Variants in LRBA observed in about 807,000 individuals in gnomAD.
LRBA encodes the protein LPS responsive beige-like anchor protein.
In LRBA, 176 loss-of-function variants were observed where a neutral mutation model predicts 330.0. That is an observed-to-expected ratio of 0.53 (90% confidence interval 0.47 to 0.60). The LOEUF (loss-of-function observed/expected upper bound fraction) is 0.60, where lower values mean the gene tolerates loss of function less well. LRBA is among the 20% of genes least tolerant of loss of function. LRBA has a pLI of 0.00. For missense variants in LRBA, 3,259 were observed against 3,444.8 expected (o/e 0.95, Z 1.35); for synonymous variants, 1,230 against 1,193.0 (o/e 1.03, Z -0.64).
chr4:150,285,955 G>T lies in LRBA; in HGVS notation c.8097C>A (p.Gly2699=). 2 of 1,589,366 alleles carry T rather than the reference G, an allele frequency of 1.3e-6. No homozygotes were observed. Among genetic ancestry groups the T allele is most frequent in the East Asian group, 2.3e-5 (1 of 43,352 alleles). The change falls in exon 54 of 57, where the codon GGC becomes GGA. Residue 2699 remains glycine (G), a synonymous_variant. Transcript: ENST00000651943. ...VTCAAVCAEL[G]LVLSGSQEGP... ...TACCTTGTGAACCACTCAACACCAG[G>T]CCTAGCTCCGCACACACCGCAGCAC...
At chr4:150,914,858 T>C (rs1732414633) in intron 8 of LRBA, among the ~76,000 whole-genome samples, 1 of 152,156 alleles carries the variant, frequency 6.6e-6, no homozygotes, top group South Asian at 2.1e-4. Context: ...CTAATAGATT[T>C]ATGGATATTA....
intron 40 of LRBA, among the ~76,000 whole-genome samples, chr4:150,498,636 G>A (rs6846082): frequency 0.46 from 69,568 of 151,768 alleles, 16,210 homozygotes; most frequent in Non-Finnish European, 0.51. Context: ...TTGTAGAGAA[G>A]GAACAAAATG....
intron 40 of LRBA, among the ~76,000 whole-genome samples, chr4:150,569,409 C>A (rs1225872571): frequency 6.6e-6 from 1 of 152,074 alleles, no homozygotes; most frequent in Non-Finnish European, 1.5e-5. Context: ...TTTACATTGT[C>A]CAAACAAAAG....
chr4:150,329,466 T>C (rs1312556587), intron 48 of LRBA, among the ~76,000 whole-genome samples: 2 of 152,222 alleles, frequency 1.3e-5, no homozygotes, highest in East Asian at 1.9e-4. Context: ...GTGGCTTCAA[T>C]GGCTTAATGC....
chr4:150,283,619 G>A (rs1747819553), intron 54 of LRBA, among the ~76,000 whole-genome samples: 2 of 152,134 alleles, frequency 1.3e-5, no homozygotes, highest in African/African-American at 4.8e-5. Context: ...TGACCACTCA[G>A]GTAGTTGATA....
At chr4:150,537,156 G>A (rs555697651) in intron 40 of LRBA, among the ~76,000 whole-genome samples, 16 of 152,260 alleles carry the variant, frequency 1.1e-4, no homozygotes, top group Admixed American at 3.9e-4. Context: ...GAACAGAATA[G>A]ACAATTCAGA....
chr4:150,424,601 C>T (rs2151970798), intron 46 of LRBA, among the ~76,000 whole-genome samples: 1 of 152,070 alleles, frequency 6.6e-6, no homozygotes, highest in South Asian at 2.1e-4. Context: ...CATCCCATAG[C>T]AGGGAGCACG....
At chr4:150,369,694 A>G (rs1215694185) in intron 47 of LRBA, among the ~76,000 whole-genome samples, 1 of 152,008 alleles carries the variant, frequency 6.6e-6, no homozygotes, top group Admixed American at 6.5e-5. Flanking sequence ...GATTTTGCTA[A>G]GTATTGTACG....
At chr4:150,527,406 G>A (rs914631038) in intron 40 of LRBA, among the ~76,000 whole-genome samples, 1 of 152,154 alleles carries the variant, frequency 6.6e-6, no homozygotes, top group Non-Finnish European at 1.5e-5. Context: ...CAAACTTGAG[G>A]GCAGACTAAA....
intron 40 of LRBA, chr4:150,579,342 C>A (rs1234460375): frequency 2.2e-6 from 1 of 446,894 alleles, no homozygotes; most frequent in African/African-American, 2.2e-5. Context: ...GCTCTTAGAG[C>A]AGAGGCAGCC....
Position 150,431,522 on chromosome 4 carries a change from A to C in LRBA, c.7041+4067T>G, listed in dbSNP as rs1293620286. ...CAACACAGATGTGCCATGTAAATAG[A>C]GACATGTTGAGTATAAAATACCACT... On this transcript the variant is annotated intron_variant, in intron 46 of 56. Transcript: ENST00000651943. 2.6e-5 allele frequency among the ~76,000 whole-genome samples: 4 copies of C among 152,232 alleles called. No individual in the cohort carries two copies. In the East Asian group the frequency reaches 7.7e-4, roughly 29 times the overall value.
intron 17 of LRBA, among the ~76,000 whole-genome samples, chr4:150,875,293 T>C (rs771826975): frequency 2.0e-5 from 3 of 152,026 alleles, no homozygotes; most frequent in African/African-American, 4.8e-5. Flanking sequence ...TCACAGCCAG[T>C]AGATCTCCAG....
intron 52 of LRBA, among the ~76,000 whole-genome samples, chr4:150,307,931 A>G (rs1489478682): frequency 6.6e-6 from 1 of 152,212 alleles, no homozygotes; most frequent in Admixed American, 6.5e-5. Flanking sequence ...AAACCATGTC[A>G]TCAATTCCAT....
At chr4:150,787,443 T>C (rs1263629872) in intron 34 of LRBA, among the ~76,000 whole-genome samples, 2 of 152,230 alleles carry the variant, frequency 1.3e-5, no homozygotes, top group Non-Finnish European at 2.9e-5. Context: ...ACAAAGGATA[T>C]GATACGTTTA....
chr4:150,874,451 G>A (rs1753781718), intron 17 of LRBA, among the ~76,000 whole-genome samples: 1 of 152,196 alleles, frequency 6.6e-6, no homozygotes, highest in African/African-American at 2.4e-5. Flanking sequence ...TCCCTGCTTT[G>A]GAGCCAGAAT....
chr4:150,879,881 A>G (rs1238177668), intron 17 of LRBA, among the ~76,000 whole-genome samples: 1 of 152,202 alleles, frequency 6.6e-6, no homozygotes, highest in South Asian at 2.1e-4. Context: ...TCACAGAACT[A>G]GAAAAAAACT....
At chr4:150,573,978 A>C (rs1014224958) in intron 40 of LRBA, among the ~76,000 whole-genome samples, 2 of 152,128 alleles carry the variant, frequency 1.3e-5, no homozygotes, top group African/African-American at 4.8e-5. Flanking sequence ...TTAATTGTGA[A>C]TGGGAACTTA....
chr4:150,572,629 A>T (rs1426923916), intron 40 of LRBA, among the ~76,000 whole-genome samples: 1 of 152,144 alleles, frequency 6.6e-6, no homozygotes, highest in Non-Finnish European at 1.5e-5. Flanking sequence ...CAATATAATT[A>T]CTGACTCCAT....
In LRBA at chr4:150,265,751, A is replaced by G. The variant is rs1413666580; in HGVS notation, c.8530T>C (p.Trp2844Arg). 1 of 1,613,678 alleles carries G rather than the reference A, an allele frequency of 6.2e-7. No homozygotes were observed. Among genetic ancestry groups the G allele is most frequent in the South Asian group, 1.1e-5 (1 of 91,070 alleles). The change falls in exon 57 of 57, where the codon TGG (tryptophan) becomes CGG (arginine). Residue 2844 changes from tryptophan to arginine, a missense_variant. Physicochemically the swap from Trp to Arg is moderately radical, Grantham distance 101. Coordinates refer to ENST00000651943, the MANE Select transcript of LRBA (RefSeq NM_001364905.1). ...IVLFYNDFNR[W>R]HHEYQTRY ...TAGCGGGTTTGGTATTCATGATGCCACCGGTTAAAGTCGTTGTAAAATAGC... is the reference window on the plus strand; with the variant it reads ...TAGCGGGTTTGGTATTCATGATGCCGCCGGTTAAAGTCGTTGTAAAATAGC...
Sources: gnomAD v4.1 joint callset for allele counts (sites outside exome capture counted in the v4.1 genomes callset) on GRCh38, gnomAD v4.1.1 for gene constraint, MANE v1.5 for transcripts, NCBI Gene and HGNC (gene_info 2026-07-23, HGNC 2026-07-21) for gene names.